The following DENND1A variants were observed in gnomAD, a reference collection of about 807,000 sequenced individuals.
DENND1A encodes DENN domain-containing protein 1A.
A neutral mutation model predicts 113.7 loss-of-function variants in DENND1A; 51 were observed. The observed-to-expected ratio is 0.45, with a 90% CI of 0.36 to 0.57. DENND1A has a LOEUF of 0.57. DENND1A is among the 20% of genes least tolerant of loss of function. The probability of loss-of-function intolerance (pLI) is 0.00; values close to 1 mark genes in which losing one functional copy is unlikely to be tolerated. For synonymous variants in DENND1A, 565 were observed against 570.8 expected (o/e 0.99, Z 0.14); for missense variants, 1,258 against 1,395.9 (o/e 0.90, Z 1.57).
intron 21 of DENND1A, among the ~76,000 whole-genome samples, chr9:123,402,976 T>G (rs6478610): frequency 1 from 151,889 of 152,312 alleles, 75,734 homozygotes; most frequent in Non-Finnish European, 1. Context: ...TCCTGGTGGG[T>G]CTGGGGCAGT....
intron 5 of DENND1A, among the ~76,000 whole-genome samples, chr9:123,732,054 T>C (rs1258648932): frequency 6.6e-6 from 1 of 152,160 alleles, no homozygotes; most frequent in African/African-American, 2.4e-5. Flanking sequence ...TGCTTGTGAG[T>C]ACGTGGGACA....
At chr9:123,645,267 A>G (rs1007502795) in intron 9 of DENND1A, among the ~76,000 whole-genome samples, 1 of 152,150 alleles carries the variant, frequency 6.6e-6, no homozygotes, top group Non-Finnish European at 1.5e-5. Context: ...TTTATCTTTC[A>G]TGTGCTTGGT....
At chr9:123,757,555 T>C (rs1482557871) in intron 5 of DENND1A, 148 bp downstream of exon 5, 4 of 1,093,188 alleles carry the variant, frequency 3.7e-6, no homozygotes, top group Admixed American at 2.5e-5. Flanking sequence ...AGAACAACAC[T>C]GTGAAGTCCT....
At chr9:123,735,033 T>C (rs1446839734) in intron 5 of DENND1A, among the ~76,000 whole-genome samples, 4 of 152,228 alleles carry the variant, frequency 2.6e-5, no homozygotes, top group African/African-American at 4.8e-5. Context: ...GAGATGCTCA[T>C]GGAGATGTTG....
At chr9:123,522,959 A>ACGTGAAT (rs1482667602) in intron 13 of DENND1A, among the ~76,000 whole-genome samples, 1 of 152,224 alleles carries the variant, frequency 6.6e-6, no homozygotes. Context: ...AGGAATACAG[A>ACGTGAAT]CGTGAATAAG....
chr9:123,533,601 C>T (rs868246613), intron 13 of DENND1A, among the ~76,000 whole-genome samples: 1 of 152,136 alleles, frequency 6.6e-6, no homozygotes, highest in African/African-American at 2.4e-5. Context: ...TCAAGCACTG[C>T]GAACTGGAGG....
At chr9:123,723,251 TAC>T (rs2067466642) in intron 5 of DENND1A, among the ~76,000 whole-genome samples, 1 of 152,240 alleles carries the variant, frequency 6.6e-6, no homozygotes, top group African/African-American at 2.4e-5. Context: ...CCAATTTCTG[TAC>T]CCCCAGTGTA....
At chr9:123,415,064 G>A (rs1588415995) in intron 19 of DENND1A, among the ~76,000 whole-genome samples, 1 of 152,210 alleles carries the variant, frequency 6.6e-6, no homozygotes, top group African/African-American at 2.4e-5. Flanking sequence ...TAAATGGTGG[G>A]AAGAAAGCAG....
chr9:123,607,547 AGTGTGTGTGTGTGT>A (rs555605927), intron 11 of DENND1A, among the ~76,000 whole-genome samples: 8 of 68,094 alleles, frequency 1.2e-4, no homozygotes, highest in African/African-American at 3.0e-4. Context: ...AGAGAGAGAG[AGTGTGTGTGTGTGT>A]GTGTGTGTGT....
At chr9:123,694,002 AT>A (rs1158846185) in intron 5 of DENND1A, among the ~76,000 whole-genome samples, 284 of 139,606 alleles carry the variant, frequency 2.0e-3, no homozygotes, top group Middle Eastern at 7.5e-3. Context: ...TAAATTTTGT[AT>A]TTTTTTTTTT....
chr9:123,504,156 C>T (rs940225388), intron 13 of DENND1A, among the ~76,000 whole-genome samples: 1 of 152,144 alleles, frequency 6.6e-6, no homozygotes, highest in African/African-American at 2.4e-5. Context: ...TAGGCTGTGC[C>T]GTCTATTCTT....
intron 10 of DENND1A, among the ~76,000 whole-genome samples, chr9:123,611,207 C>T (rs1173322902): frequency 6.6e-6 from 1 of 152,002 alleles, no homozygotes; most frequent in South Asian, 2.1e-4. Context: ...TAGGTATCTG[C>T]TGTGTGTATT....
At chr9:123,616,270 T>C (rs956554497) in intron 10 of DENND1A, among the ~76,000 whole-genome samples, 3 of 152,218 alleles carry the variant, frequency 2.0e-5, no homozygotes, top group African/African-American at 4.8e-5. Context: ...AACGTGCCTA[T>C]GGGATCACCC....
At chr9:123,437,852 G>A (rs2046639898) in intron 19 of DENND1A, 1 of 152,164 alleles carries the variant, frequency 6.6e-6, no homozygotes, top group Admixed American at 6.5e-5. Flanking sequence ...TCCAAAAAAA[G>A]AGAATATATA....
chr9:123,810,478 G>A (rs184074028), intron 2 of DENND1A, among the ~76,000 whole-genome samples: 2 of 146,620 alleles, frequency 1.4e-5, no homozygotes, highest in African/African-American at 2.5e-5. Context: ...TTGGGAGGCC[G>A]AGGAGGGAGG....
At chr9:123,607,278 G>C (rs572177699) in intron 11 of DENND1A, among the ~76,000 whole-genome samples, 13 of 151,664 alleles carry the variant, frequency 8.6e-5, no homozygotes, top group Non-Finnish European at 1.8e-4. Context: ...AGAAAGCAAA[G>C]TGTCAATGAA....
At chr9:123,459,696 C>T (rs1209299439) in intron 13 of DENND1A, among the ~76,000 whole-genome samples, 1 of 152,090 alleles carries the variant, frequency 6.6e-6, no homozygotes, top group Non-Finnish European at 1.5e-5. Context: ...TTAAGGGTAA[C>T]ACCCCACCCC....
intron 1 of DENND1A, among the ~76,000 whole-genome samples, chr9:123,897,283 C>T (rs144837615): frequency 1.3e-5 from 2 of 152,304 alleles, no homozygotes; most frequent in East Asian, 3.9e-4. Flanking sequence ...CATTATCACT[C>T]AGCATAGACT....
chr9:123,757,649 A>T (rs1168787297), intron 5 of DENND1A, 54 bp downstream of exon 5: 3 of 1,593,544 alleles, frequency 1.9e-6, no homozygotes, highest in East Asian at 4.5e-5. Context: ...AGAGCAATGC[A>T]GAAGCTGACA....
Sources: allele counts gnomAD v4.1 joint callset (sites outside exome capture counted in the v4.1 genomes callset), GRCh38; gene constraint gnomAD v4.1.1; transcripts MANE v1.5; gene names NCBI Gene and HGNC (gene_info 2026-07-23, HGNC 2026-07-21).